The following ARFIP1 variants were observed in gnomAD, a reference collection of about 807,000 sequenced individuals.
ARFIP1 encodes arfaptin-1.
A neutral mutation model predicts 42.5 loss-of-function variants in ARFIP1; 24 were observed. The ratio of observed to expected loss-of-function variants is 0.57; its 90% CI spans 0.41 to 0.80. ARFIP1 has a LOEUF of 0.80. Ranked by LOEUF, ARFIP1 falls within the 30% of genes least tolerant of loss-of-function variation. The probability of loss-of-function intolerance (pLI) is 0.00; values close to 1 mark genes in which losing one functional copy is unlikely to be tolerated. For synonymous variants in ARFIP1, 141 were observed against 153.7 expected (o/e 0.92, Z 0.61); for missense variants, 354 against 434.0 (o/e 0.82, Z 1.64).
chr4:152,783,255 A>T (rs1384678356), intron 1 of ARFIP1, among the ~76,000 whole-genome samples: 1 of 152,154 alleles, frequency 6.6e-6, no homozygotes, highest in African/African-American at 2.4e-5. Flanking sequence ...GGCTGCAGTA[A>T]GCCAAGATCC....
intron 1 of ARFIP1, among the ~76,000 whole-genome samples, chr4:152,822,276 G>GC (rs1451997957): frequency 1.7e-5 from 1 of 58,534 alleles, no homozygotes; most frequent in Admixed American, 2.3e-4. Flanking sequence ...AGATCAAACA[G>GC]ACTATAAAAG....
At chr4:152,828,538 ATCTGT>A (rs1311364348) in intron 1 of ARFIP1, among the ~76,000 whole-genome samples, 2 of 152,240 alleles carry the variant, frequency 1.3e-5, no homozygotes, top group Non-Finnish European at 2.9e-5. Context: ...TTGATAAAAC[ATCTGT>A]TCTGATCTTT....
At chr4:152,896,461 A>G (rs1260361715) in intron 8 of ARFIP1, among the ~76,000 whole-genome samples, 1 of 152,230 alleles carries the variant, frequency 6.6e-6, no homozygotes, top group Non-Finnish European at 1.5e-5. Context: ...TCCTCAGGAC[A>G]GACAATTAAA....
At position 152,829,813 on chromosome 4, in the gene ARFIP1, A is replaced by G. The variant is rs1731131055; in HGVS notation, c.93+87A>G. The G allele has an allele frequency of 8.3e-6, 9 of 1,077,962 alleles. No homozygotes were observed. The East Asian group carries it at 2.3e-4, about 27-fold the overall frequency. 66.8% of individuals were successfully genotyped at this position (1,077,962 alleles called of 1,614,324 possible). A position where few individuals can be genotyped will look rare whatever the true frequency, so the allele number is the denominator to read the frequency against. On this transcript the variant is annotated intron_variant, in intron 2 of 8. Transcript: ENST00000353617. Reference sequence around the variant, plus strand: ...GAAAGTAATAGACAAAATTTAATATAGGATTGTTTTCTTAGATTGGCTTCA... The same window carrying G: ...GAAAGTAATAGACAAAATTTAATATGGGATTGTTTTCTTAGATTGGCTTCA...
chr4:152,821,912 A>T (rs1458595928), intron 1 of ARFIP1, among the ~76,000 whole-genome samples: 1 of 152,240 alleles, frequency 6.6e-6, no homozygotes, highest in Non-Finnish European at 1.5e-5. Context: ...AGACAAGCAA[A>T]TGCCAAGGGA....
intron 2 of ARFIP1, among the ~76,000 whole-genome samples, chr4:152,839,079 A>G (rs1578904848): frequency 6.6e-6 from 1 of 152,222 alleles, no homozygotes; most frequent in Non-Finnish European, 1.5e-5. Context: ...GTGGTTTATC[A>G]CATTTATTGA....
At chr4:152,813,082 G>A (rs1445809138) in intron 1 of ARFIP1, among the ~76,000 whole-genome samples, 4 of 152,162 alleles carry the variant, frequency 2.6e-5, no homozygotes, top group Non-Finnish European at 5.9e-5. Context: ...CTAATCCATG[G>A]ATTCAGCCAA....
intron 8 of ARFIP1, among the ~76,000 whole-genome samples, chr4:152,896,799 C>CT (rs1347607172): frequency 1.3e-5 from 2 of 151,188 alleles, no homozygotes; most frequent in Non-Finnish European, 3.0e-5. Context: ...TGTGCCTTAT[C>CT]TTTTTTTCCA....
intron 1 of ARFIP1, among the ~76,000 whole-genome samples, chr4:152,805,852 A>G (rs1335029316): frequency 6.6e-6 from 1 of 152,242 alleles, no homozygotes; most frequent in Non-Finnish European, 1.5e-5. Flanking sequence ...CATGAATTGA[A>G]CACAAACAAT....
At chr4:152,908,363 C>T (rs986463273) in intron 8 of ARFIP1, among the ~76,000 whole-genome samples, 10 of 152,180 alleles carry the variant, frequency 6.6e-5, no homozygotes, top group Non-Finnish European at 1.2e-4. Flanking sequence ...CGGTGACTCA[C>T]GCCTGTAATC....
At position 152,900,799 on chromosome 4, in the gene ARFIP1, C is replaced by T. The variant is rs142138070; in HGVS notation, c.967-9265C>T. On this transcript the variant is annotated intron_variant, in intron 8 of 8. Transcript: ENST00000353617. ...AAGGAGTTGATACCTTACATGTTAG[C>T]GGTTGGGGACCTCTTACCAAAATAT... Among the ~76,000 whole-genome samples, 15 of 152,272 alleles carry T rather than the reference C, an allele frequency of 9.9e-5. 1 individual carries two copies. The East Asian group carries it at 1.7e-3, about 18-fold the overall frequency.
intron 8 of ARFIP1, among the ~76,000 whole-genome samples, chr4:152,894,032 A>G (rs1737090559): frequency 1.3e-5 from 2 of 152,094 alleles, no homozygotes; most frequent in African/African-American, 4.8e-5. Flanking sequence ...AGCCTGGCCA[A>G]CATGGTGAAA....
At chr4:152,786,893 A>T (rs1730842549) in intron 1 of ARFIP1, among the ~76,000 whole-genome samples, 1 of 151,904 alleles carries the variant, frequency 6.6e-6, no homozygotes. Context: ...CTTTACTTTC[A>T]TTTCATTTCA....
chr4:152,908,033 T>G (rs562909666), intron 8 of ARFIP1, among the ~76,000 whole-genome samples: 1 of 152,346 alleles, frequency 6.6e-6, no homozygotes, highest in African/African-American at 2.4e-5. Flanking sequence ...TTTAGTTTTC[T>G]TAATGTGGAG....
At chr4:152,861,885 CTG>C (rs1733920467) in intron 2 of ARFIP1, among the ~76,000 whole-genome samples, 1 of 152,082 alleles carries the variant, frequency 6.6e-6, no homozygotes. Context: ...TCCCTTCTGT[CTG>C]TTCTTTTGGT....
At chr4:152,839,638 T>G (rs1488583576) in intron 2 of ARFIP1, among the ~76,000 whole-genome samples, 1 of 152,206 alleles carries the variant, frequency 6.6e-6, no homozygotes, top group African/African-American at 2.4e-5. Flanking sequence ...CCCTGTTTCA[T>G]TTCTTTGTGA....
intron 2 of ARFIP1, among the ~76,000 whole-genome samples, chr4:152,856,564 T>C (rs1009247926): frequency 2.0e-5 from 3 of 152,228 alleles, no homozygotes; most frequent in Non-Finnish European, 4.4e-5. Context: ...AGGATGTGTA[T>C]AGAGTATAGG....
intron 8 of ARFIP1, among the ~76,000 whole-genome samples, chr4:152,902,987 T>C (rs1189201098): frequency 6.6e-6 from 1 of 152,240 alleles, no homozygotes. Flanking sequence ...ATTCTCAAAA[T>C]TGCAAAAATT....
intron 2 of ARFIP1, among the ~76,000 whole-genome samples, chr4:152,845,944 G>C (rs1732501142): frequency 6.6e-6 from 1 of 152,126 alleles, no homozygotes; most frequent in Non-Finnish European, 1.5e-5. Flanking sequence ...AATCAATCTA[G>C]GTACCCATCA....
Sources: allele counts gnomAD v4.1 joint callset (sites outside exome capture counted in the v4.1 genomes callset), GRCh38; gene constraint gnomAD v4.1.1; transcripts MANE v1.5; gene names NCBI Gene and HGNC (gene_info 2026-07-23, HGNC 2026-07-21).